The following SHISAL1 variants were observed in gnomAD, a reference collection of about 807,000 sequenced individuals.
SHISAL1 encodes protein shisa-like-1.
Under a neutral mutation model 22.6 loss-of-function variants are expected in SHISAL1, and 9 were observed. That is an observed-to-expected ratio of 0.40 (90% CI 0.24 to 0.70). The LOEUF is 0.70. SHISAL1 is among the 30% of genes least tolerant of loss of function. SHISAL1 has a pLI of 0.39. For synonymous variants in SHISAL1, 119 were observed against 115.4 expected, an observed-to-expected ratio of 1.03 and a Z score of -0.20; for missense variants, 246 against 270.6, an observed-to-expected ratio of 0.91 and a Z score of 0.64.
Position 44,274,025 on chromosome 22 carries a change from C to A in SHISAL1, c.599+11403G>T, listed in dbSNP as rs1314770879. On this transcript the variant is annotated intron_variant, in intron 4 of 4. Coordinates refer to ENST00000381176, the MANE Select transcript of SHISAL1 (RefSeq NM_001099294.2). Reference sequence around the variant, plus strand: ...TTGAGGTCAGGAGTTCGAGACCAGCCTGGCTGACATAGTGAACCTCCCGGC... The same window carrying A: ...TTGAGGTCAGGAGTTCGAGACCAGCATGGCTGACATAGTGAACCTCCCGGC... 2.0e-5 allele frequency among the ~76,000 whole-genome samples: 3 copies of A among 152,208 alleles called. No individual in the cohort carries two copies. The South Asian group carries it at 6.2e-4, about 32-fold the overall frequency.
chr22:44,244,761 C>T lies in SHISAL1; in HGVS notation c.*4924G>A, dbSNP rs1377053205. 2.0e-5 allele frequency: 3 copies of T among 152,200 alleles called. No homozygotes were observed. Among genetic ancestry groups the T allele is most frequent in the Admixed American group, 1.3e-4 (2 of 15,292 alleles). The allele number at this position is 152,200 out of a possible 1,614,324, so 9.4% of individuals were successfully genotyped here. On this transcript the variant is annotated 3_prime_UTR_variant, in exon 5 of 5. Transcript: ENST00000381176. Reference sequence around the variant, plus strand: ...GGTACAGGGCCAGGCAAGTGGCAGGCACTCGGCAAGTATCTGAATAGGTGA... The same window carrying T: ...GGTACAGGGCCAGGCAAGTGGCAGGTACTCGGCAAGTATCTGAATAGGTGA...
chr22:44,294,665 T>C (rs2055374328), intron 3 of SHISAL1, among the ~76,000 whole-genome samples: 1 of 152,092 alleles, frequency 6.6e-6, no homozygotes, highest in African/African-American at 2.4e-5. Flanking sequence ...GTGATAAAAT[T>C]ATCATTGTTT....
At chr22:44,262,134 C>A (rs528576941) in intron 4 of SHISAL1, among the ~76,000 whole-genome samples, 1 of 152,298 alleles carries the variant, frequency 6.6e-6, no homozygotes, top group African/African-American at 2.4e-5. Context: ...GGGTCCTGGC[C>A]AGGGTGGGAA....
chr22:44,323,688 C>CATCT, the SHISAL1 span, among the ~76,000 whole-genome samples: 1 of 151,298 alleles, frequency 6.6e-6, no homozygotes, highest in African/African-American at 2.4e-5. Flanking sequence ...TCCATCCATC[C>CATCT]ATCTATCATC....
chr22:44,282,454 C>A (rs1022753666), intron 4 of SHISAL1, among the ~76,000 whole-genome samples: 1 of 148,490 alleles, frequency 6.7e-6, no homozygotes, highest in African/African-American at 2.6e-5. Context: ...CTGCTTGGGT[C>A]CCACTAAGCC....
chr22:44,293,086 C>T (rs1241159479), intron 3 of SHISAL1, among the ~76,000 whole-genome samples: 1 of 152,224 alleles, frequency 6.6e-6, no homozygotes, highest in Non-Finnish European at 1.5e-5. Flanking sequence ...CCTTGCTCTT[C>T]CACTGGGCTG....
chr22:44,295,567 G>A (rs1246619786), intron 3 of SHISAL1, among the ~76,000 whole-genome samples: 2 of 151,742 alleles, frequency 1.3e-5, no homozygotes, highest in African/African-American at 4.8e-5. Flanking sequence ...TTAAGCATGA[G>A]GAAAAAGCAG....
chr22:44,311,762 C>A (rs1361580778), intron 1 of SHISAL1, among the ~76,000 whole-genome samples: 1 of 152,204 alleles, frequency 6.6e-6, no homozygotes, highest in Non-Finnish European at 1.5e-5. Flanking sequence ...GGTCACAGGG[C>A]GAGGGGCTCA....
Position 44,249,627 on chromosome 22 carries a change from G to A in SHISAL1, c.*58C>T. 1.3e-6 allele frequency: 1 copy of A among 778,078 alleles called. No individual in the cohort carries two copies. The highest frequency in any genetic ancestry group is 2.4e-6 in the Non-Finnish European group (1 of 417,308). 48.2% of individuals were successfully genotyped at this position (778,078 alleles called of 1,614,324 possible). ...TCTGTAGAAGTTGTTCTTCTCGGAG[G>A]CTGCACCGGGTGCTTCAGATCTCAT... On this transcript the variant is annotated 3_prime_UTR_variant, in exon 5 of 5. Transcript: ENST00000381176.
the SHISAL1 span, among the ~76,000 whole-genome samples, chr22:44,321,788 G>A: frequency 1.3e-5 from 2 of 152,238 alleles, no homozygotes; most frequent in East Asian, 3.9e-4. Flanking sequence ...TGTGGCTCCT[G>A]CAGGCCCCAC....
chr22:44,263,067 T>TTTTC (rs1555925939), intron 4 of SHISAL1, among the ~76,000 whole-genome samples: 2,462 of 119,984 alleles, frequency 0.021, 476 homozygotes, highest in Middle Eastern at 0.052. Context: ...TCACGTATTT[T>TTTTC]TTTCTTTCTT....
At chr22:44,274,041 A>C (rs993998096) in intron 4 of SHISAL1, among the ~76,000 whole-genome samples, 28 of 151,040 alleles carry the variant, frequency 1.9e-4, no homozygotes, top group African/African-American at 6.6e-4. Context: ...GACATAGTGA[A>C]CCTCCCGGCC....
At chr22:44,251,708 T>C (rs1280190821) in intron 4 of SHISAL1, among the ~76,000 whole-genome samples, 1 of 152,172 alleles carries the variant, frequency 6.6e-6, no homozygotes, top group Non-Finnish European at 1.5e-5. Flanking sequence ...AGCCATCAGA[T>C]TCGGTGAGAT....
At chr22:44,327,003 T>C in the SHISAL1 span, among the ~76,000 whole-genome samples, 2 of 152,140 alleles carry the variant, frequency 1.3e-5, no homozygotes, top group East Asian at 1.9e-4. Context: ...TTGAACATCC[T>C]TGGCCCTCAA....
intron 2 of SHISAL1, 88 bp from the exon 3 acceptor site, chr22:44,296,973 G>T: frequency 1.0e-6 from 1 of 1,004,872 alleles, no homozygotes; most frequent in Non-Finnish European, 1.5e-6. Flanking sequence ...CTCTTCTCAG[G>T]TCCTGCCTGC....
At chr22:44,277,795 C>T (rs1165319321) in intron 4 of SHISAL1, among the ~76,000 whole-genome samples, 2 of 152,198 alleles carry the variant, frequency 1.3e-5, no homozygotes, top group Non-Finnish European at 2.9e-5. Flanking sequence ...ATTAGCACAG[C>T]CATTGCAGGG....
rs897593984 is a variant in SHISAL1, at chr22:44,297,011, G to A, written c.68-126C>T. On this transcript the variant is annotated intron_variant, in intron 2 of 4. Coordinates refer to ENST00000381176, the MANE Select transcript of SHISAL1 (RefSeq NM_001099294.2). ...CTTCCCTCCCCTGGATGCCTTTGTG[G>A]TCCACTGTGAGCCTCACCTCTGGGT... The A allele has an allele frequency of 7.7e-5, 55 of 717,826 alleles. No individual in the cohort carries two copies. In the African/African-American group the frequency reaches 8.8e-4, roughly 11 times the overall value. 44.5% of individuals were successfully genotyped at this position (717,826 alleles called of 1,614,324 possible). A position where few individuals can be genotyped will look rare whatever the true frequency, so the allele number is the denominator to read the frequency against.
At chr22:44,289,920 C>T (rs1479363890) in intron 3 of SHISAL1, among the ~76,000 whole-genome samples, 3 of 152,224 alleles carry the variant, frequency 2.0e-5, no homozygotes, top group Non-Finnish European at 1.5e-5. Context: ...TGAAGGCAGC[C>T]AAAGCCGCAG....
chr22:44,314,406 T>C (rs748141682), upstream of SHISAL1, among the ~76,000 whole-genome samples: 3 of 152,146 alleles, frequency 2.0e-5, no homozygotes, highest in Non-Finnish European at 4.4e-5. Flanking sequence ...GACTGCCCTG[T>C]GGATTTTGTT....
Sources: gnomAD v4.1 joint callset for allele counts (sites outside exome capture counted in the v4.1 genomes callset) on GRCh38, gnomAD v4.1.1 for gene constraint, MANE v1.5 for transcripts, NCBI Gene and HGNC (gene_info 2026-07-23, HGNC 2026-07-21) for gene names.